The following PRORP variants were observed in gnomAD, a reference collection of about 807,000 sequenced individuals.
The protein encoded by PRORP is mitochondrial ribonuclease P catalytic subunit.
In PRORP, 51 loss-of-function variants were observed where a neutral mutation model predicts 59.4. The observed-to-expected ratio is 0.86, with a 90% CI of 0.69 to 1.08. The LOEUF is 1.08. Among genes scored for constraint, PRORP ranks in the 50% least tolerant of loss-of-function variants. PRORP has a pLI of 0.00. For synonymous variants in PRORP, 231 were observed against 245.6 expected (o/e 0.94, Z 0.55); for missense variants, 646 against 690.3 (o/e 0.94, Z 0.72).
rs1341775044 is a variant in PRORP at position 35,206,196 on chromosome 14, C to T, written c.1275+25419C>T. 9.8e-5 allele frequency among the ~76,000 whole-genome samples: 15 copies of T among 152,300 alleles called. 1 individual carries two copies. Among genetic ancestry groups the T allele is most frequent in the East Asian group, 5.8e-4 (3 of 5,190 alleles). ...ACTTGTGATAGAGTGCTGCTTATGA[C>T]GGACATTGTCCCTTTTGATCCTCTA... is the stretch of plus-strand genomic sequence containing the variant. On this transcript the variant is annotated intron_variant, in intron 5 of 7. Coordinates refer to ENST00000534898, the MANE Select transcript of PRORP (RefSeq NM_014672.4).
intron 5 of PRORP, among the ~76,000 whole-genome samples, chr14:35,218,817 C>T (rs745760372): frequency 1.1e-4 from 17 of 152,204 alleles, no homozygotes; most frequent in African/African-American, 2.9e-4. Flanking sequence ...TGAGCCACCA[C>T]GCCTGGCCAA....
At chr14:35,218,585 G>A (rs8013290) in intron 5 of PRORP, among the ~76,000 whole-genome samples, 82,995 of 140,012 alleles carry the variant, frequency 0.59, 25,823 homozygotes, top group East Asian at 0.75. Flanking sequence ...AGAATGCAGC[G>A]GCGCGATCTC....
At chr14:35,238,473 AC>A (rs2050277639) in intron 5 of PRORP, among the ~76,000 whole-genome samples, 1 of 152,200 alleles carries the variant, frequency 6.6e-6, no homozygotes, top group African/African-American at 2.4e-5. Context: ...TGGCAATGTC[AC>A]AGGAGAAACA....
chr14:35,260,312 G>T (rs2050871990), intron 5 of PRORP, among the ~76,000 whole-genome samples: 1 of 152,170 alleles, frequency 6.6e-6, no homozygotes, highest in Non-Finnish European at 1.5e-5. Flanking sequence ...AAACTTTCCT[G>T]TATTAGGCTG....
intron 4 of PRORP, among the ~76,000 whole-genome samples, chr14:35,143,217 A>G (rs2047523662): frequency 2.1e-5 from 3 of 145,424 alleles, no homozygotes; most frequent in African/African-American, 4.9e-5. Context: ...CAGTGGCGCA[A>G]TCGCTGCTCA....
At chr14:35,200,694 T>G (rs2049126628) in intron 5 of PRORP, among the ~76,000 whole-genome samples, 1 of 151,728 alleles carries the variant, frequency 6.6e-6, no homozygotes. Context: ...TTTTAAAGTT[T>G]TTTTACAATA....
chr14:35,223,220 G>A (rs1254974835), intron 5 of PRORP, among the ~76,000 whole-genome samples: 1 of 101,502 alleles, frequency 9.9e-6, no homozygotes, highest in Non-Finnish European at 2.2e-5. Context: ...ACCTTATCAG[G>A]TGCTCTTTTT....
Position 35,270,383 on chromosome 14 carries a change from T to C in PRORP, c.1425-18T>C. The C allele has an allele frequency of 6.2e-7, 1 of 1,609,228 alleles. No individual in the cohort carries two copies. Among genetic ancestry groups the C allele is most frequent in the Non-Finnish European group, 8.5e-7 (1 of 1,176,760 alleles). On this transcript the variant is annotated intron_variant, in intron 6 of 7. Transcript: ENST00000534898. ...CTTCAGCTGTGCTTGATTGTGTCCT[T>C]TCTTATGCCTGGTTCAGCTCGGAGG... is the stretch of plus-strand genomic sequence containing the variant.
Position 35,127,607 on chromosome 14 carries a change from C to T in PRORP, c.1163C>T (p.Pro388Leu). The change falls in exon 4 of 8, where the codon CCT becomes CTT. Residue 388 changes from proline (P) to leucine (L), a missense_variant. Physicochemically the swap from Pro to Leu is moderately conservative, Grantham distance 98. Coordinates refer to ENST00000534898, the MANE Select transcript of PRORP (RefSeq NM_014672.4). ...DGGDQYRKTTPQELKRFENFI... is the reference protein window; with the variant it reads ...DGGDQYRKTTLQELKRFENFI... Reference sequence around the variant, plus strand: ...GGTGACCAGTACAGAAAGACAACACCTCAGGTGAGTCTAACAAGTTTTATT... The same window carrying T: ...GGTGACCAGTACAGAAAGACAACACTTCAGGTGAGTCTAACAAGTTTTATT... 6.2e-7 allele frequency: 1 copy of T among 1,613,804 alleles called. No homozygotes were observed. The highest frequency in any genetic ancestry group is 8.5e-7 in the Non-Finnish European group (1 of 1,179,904).
chr14:35,158,612 C>G (rs1449112307), intron 4 of PRORP: 1 of 341,806 alleles, frequency 2.9e-6, no homozygotes, highest in East Asian at 8.1e-5. Flanking sequence ...ACCCGGCACC[C>G]TGTTATCAGG....
chr14:35,203,274 G>A (rs969655547), intron 5 of PRORP, among the ~76,000 whole-genome samples: 42 of 152,128 alleles, frequency 2.8e-4, no homozygotes, highest in Non-Finnish European at 1.3e-4. Context: ...TGGCACTTCA[G>A]CTCAATTGTT....
intron 5 of PRORP, among the ~76,000 whole-genome samples, chr14:35,186,868 G>A (rs1343249402): frequency 2.0e-5 from 3 of 152,070 alleles, no homozygotes; most frequent in African/African-American, 7.2e-5. Context: ...TGGGATTACA[G>A]GACTGAGCCA....
chr14:35,130,627 G>T (rs538827500), intron 4 of PRORP, among the ~76,000 whole-genome samples: 62 of 151,720 alleles, frequency 4.1e-4, no homozygotes, highest in Non-Finnish European at 6.6e-4. Context: ...AGGATTACAG[G>T]TACCCTCCAC....
At chr14:35,157,407 T>A (rs1266147494) in intron 4 of PRORP, among the ~76,000 whole-genome samples, 1 of 152,196 alleles carries the variant, frequency 6.6e-6, no homozygotes, top group African/African-American at 2.4e-5. Context: ...CAGATGACTA[T>A]TAGTAAACAA....
Position 35,141,842 on chromosome 14 carries a change from G to T in PRORP, c.1167+14231G>T, listed in dbSNP as rs973920649. Among the ~76,000 whole-genome samples the T allele has an allele frequency of 1.1e-4, 16 of 139,250 alleles. 2 individuals carry two copies. The highest frequency in any genetic ancestry group is 9.7e-4 in the Admixed American group (13 of 13,350). The allele number at this position is 139,250 out of a possible 152,430, so 91.4% of individuals were successfully genotyped here. A position where few individuals can be genotyped will look rare whatever the true frequency, so the allele number is the denominator to read the frequency against. ...AGTGATCCTCCCACCTCAGCCTCAT[G>T]AGTAGCTGGGACTACAGGCATGTGG... On this transcript the variant is annotated intron_variant, in intron 4 of 7. Transcript: ENST00000534898.
intron 4 of PRORP, chr14:35,159,006 T>C: frequency 3.0e-6 from 1 of 337,184 alleles, no homozygotes; most frequent in South Asian, 2.8e-5. Flanking sequence ...ATTTCCATCA[T>C]TCCAGTCGTC....
chr14:35,192,241 A>G (rs529270186), intron 5 of PRORP, among the ~76,000 whole-genome samples: 17 of 152,060 alleles, frequency 1.1e-4, no homozygotes, highest in Non-Finnish European at 2.4e-4. Context: ...AAATCTTCGT[A>G]CTTGCTATTT....
chr14:35,126,866 C>A, intron 3 of PRORP, 84 bp downstream of exon 3: 3 of 953,858 alleles, frequency 3.1e-6, no homozygotes, highest in South Asian at 1.5e-5. Flanking sequence ...TTTAAGAACA[C>A]CTTAAGGGTA....
intron 4 of PRORP, among the ~76,000 whole-genome samples, chr14:35,146,662 C>T (rs181430935): frequency 6.6e-6 from 1 of 152,164 alleles, no homozygotes; most frequent in South Asian, 2.1e-4. Context: ...TAATTATCTG[C>T]AAAATATAGT....
Sources: gnomAD v4.1 joint callset for allele counts (sites outside exome capture counted in the v4.1 genomes callset) on GRCh38, gnomAD v4.1.1 for gene constraint, MANE v1.5 for transcripts, NCBI Gene and HGNC (gene_info 2026-07-23, HGNC 2026-07-21) for gene names.